The following TENM3 variants were observed in gnomAD, a reference collection of about 807,000 sequenced individuals.
The protein encoded by TENM3 is teneurin transmembrane protein 3, also known as teneurin-3.
Under a neutral mutation model 255.1 loss-of-function variants are expected in TENM3, and 63 were observed. That is an observed-to-expected ratio of 0.25 (90% CI 0.20 to 0.30). TENM3 has a LOEUF of 0.30. Ranked by LOEUF, TENM3 falls within the 10% of genes least tolerant of loss-of-function variation. TENM3 has a pLI of 1.00. For synonymous variants in TENM3, 1,306 were observed against 1,322.3 expected, an observed-to-expected ratio of 0.99 and a Z score of 0.27; for missense variants, 2,929 against 3,461.1, an observed-to-expected ratio of 0.85 and a Z score of 3.86.
chr4:182,220,378 CAAAAAAAAAA>C (rs60851113), intron 1 of TENM3, among the ~76,000 whole-genome samples: 120 of 77,504 alleles, frequency 1.5e-3, no homozygotes, highest in African/African-American at 6.0e-3. Context: ...CTCTGTCTCA[CAAAAAAAAAA>C]AAAAAAAAAA....
the TENM3 span, among the ~76,000 whole-genome samples, chr4:181,660,248 A>G: frequency 6.6e-6 from 1 of 152,172 alleles, no homozygotes. Flanking sequence ...CAGGTTTTGC[A>G]AACAGTCAGT....
chr4:181,703,459 A>G, the TENM3 span, among the ~76,000 whole-genome samples: 1 of 152,350 alleles, frequency 6.6e-6, no homozygotes, highest in African/African-American at 2.4e-5. Flanking sequence ...GAGGGGAACT[A>G]GATAAGACCT....
At chr4:182,665,609 C>T (rs1269435354) in intron 6 of TENM3, among the ~76,000 whole-genome samples, 1 of 151,956 alleles carries the variant, frequency 6.6e-6, no homozygotes, top group East Asian at 1.9e-4. Context: ...TAAAAACCTC[C>T]TGGAGGCTGG....
chr4:181,477,842 A>G, the TENM3 span, among the ~76,000 whole-genome samples: 2 of 152,198 alleles, frequency 1.3e-5, no homozygotes, highest in Non-Finnish European at 2.9e-5. Flanking sequence ...GAATACTTAA[A>G]GGAGAAAAAC....
intron 20 of TENM3, among the ~76,000 whole-genome samples, chr4:182,752,942 A>ATTTTTTTTTTTTTTTTTTTTTTT (rs750171665): frequency 1.6e-5 from 2 of 121,724 alleles, no homozygotes. Context: ...TCCTTACTGA[A>ATTTTTTTTTTTTTTTTTTTTTTT]TTTTTTTTTT....
At chr4:182,785,641 G>A (rs954071048) in intron 24 of TENM3, among the ~76,000 whole-genome samples, 5 of 148,820 alleles carry the variant, frequency 3.4e-5, no homozygotes, top group African/African-American at 9.9e-5. Context: ...CCAGACAGTC[G>A]AGGCTGCAGT....
chr4:182,254,100 C>G (rs1758215300), intron 1 of TENM3, among the ~76,000 whole-genome samples: 1 of 152,030 alleles, frequency 6.6e-6, no homozygotes, highest in African/African-American at 2.4e-5. Flanking sequence ...TTCTTGATGC[C>G]AAATCGTGTT....
intron 3 of TENM3, among the ~76,000 whole-genome samples, chr4:182,392,722 T>A (rs11940045): frequency 6.6e-6 from 1 of 151,806 alleles, no homozygotes; most frequent in Non-Finnish European, 1.5e-5. Flanking sequence ...AGTAGAGAAA[T>A]AGAGGCAGGC....
At chr4:182,047,807 T>C in the TENM3 span, among the ~76,000 whole-genome samples, 5 of 152,130 alleles carry the variant, frequency 3.3e-5, no homozygotes. Context: ...CATCAGACTA[T>C]AGGTGCTTTC....
At chr4:182,780,785 T>G (rs954100393) in intron 24 of TENM3, among the ~76,000 whole-genome samples, 2 of 152,016 alleles carry the variant, frequency 1.3e-5, no homozygotes, top group African/African-American at 4.8e-5. Context: ...CCTTGTAAGT[T>G]GGATTCCTAG....
the TENM3 span, among the ~76,000 whole-genome samples, chr4:181,609,515 C>A: frequency 1.3e-5 from 2 of 152,170 alleles, no homozygotes; most frequent in African/African-American, 4.8e-5. Context: ...ATAAAGAATG[C>A]ACAGCCCCAT....
the TENM3 span, among the ~76,000 whole-genome samples, chr4:181,745,949 G>A: frequency 2.0e-5 from 3 of 152,166 alleles, no homozygotes; most frequent in African/African-American, 7.2e-5. Context: ...CAATAGTTGG[G>A]GTTTTACCAA....
At chr4:181,536,566 GATAAGGA>G in the TENM3 span, among the ~76,000 whole-genome samples, 1 of 152,212 alleles carries the variant, frequency 6.6e-6, no homozygotes, top group African/African-American at 2.4e-5. Context: ...CAGGCAATCT[GATAAGGA>G]ACTGTTACAG....
the TENM3 span, among the ~76,000 whole-genome samples, chr4:182,088,786 G>A: frequency 1.3e-5 from 2 of 151,188 alleles, no homozygotes; most frequent in Non-Finnish European, 2.9e-5. Flanking sequence ...ATGAGCTGAG[G>A]TCGGGCCACT....
intron 1 of TENM3, among the ~76,000 whole-genome samples, chr4:182,210,345 C>T (rs1275009691): frequency 6.6e-6 from 1 of 152,100 alleles, no homozygotes; most frequent in African/African-American, 2.4e-5. Flanking sequence ...CTTTTCCCCC[C>T]AACCCATTTT....
At chr4:182,290,196 T>A (rs1476967950) in intron 1 of TENM3, among the ~76,000 whole-genome samples, 1 of 152,084 alleles carries the variant, frequency 6.6e-6, no homozygotes, top group South Asian at 2.1e-4. Context: ...TGGCGTGTGG[T>A]AAGTGTGCGA....
intron 1 of TENM3, among the ~76,000 whole-genome samples, chr4:182,203,717 G>C (rs1754356595): frequency 6.6e-6 from 1 of 152,152 alleles, no homozygotes; most frequent in African/African-American, 2.4e-5. Context: ...GGAGGGATTT[G>C]CTACAGTTCT....
chr4:181,679,744 G>A, the TENM3 span, among the ~76,000 whole-genome samples: 21 of 152,178 alleles, frequency 1.4e-4, no homozygotes, highest in Admixed American at 4.6e-4. Flanking sequence ...GTATTATTGC[G>A]ACTGAATTAC....
chr4:181,807,963 G>A, the TENM3 span, among the ~76,000 whole-genome samples: 1 of 152,128 alleles, frequency 6.6e-6, no homozygotes, highest in African/African-American at 2.4e-5. Flanking sequence ...GATACAAAGG[G>A]CAGATTTTTC....
Sources: gnomAD v4.1 joint callset for allele counts (sites outside exome capture counted in the v4.1 genomes callset) on GRCh38, gnomAD v4.1.1 for gene constraint, MANE v1.5 for transcripts, NCBI Gene and HGNC (gene_info 2026-07-23, HGNC 2026-07-21) for gene names.